The following ZSCAN25 variants were observed in gnomAD, a reference collection of about 807,000 sequenced individuals.
ZSCAN25 encodes zinc finger and SCAN domain-containing protein 25.
In ZSCAN25, 27 loss-of-function variants were observed where a neutral mutation model predicts 38.7. The ratio of observed to expected loss-of-function variants is 0.70; its 90% CI spans 0.51 to 0.96. ZSCAN25 has a LOEUF of 0.96. ZSCAN25 is among the 40% of genes least tolerant of loss of function. The pLI is 0.00. For synonymous variants in ZSCAN25, 273 were observed against 277.7 expected, an observed-to-expected ratio of 0.98 and a Z score of 0.17; for missense variants, 637 against 705.9, an observed-to-expected ratio of 0.90 and a Z score of 1.11.
chr7:99,718,126 G>A, the ZSCAN25 span, among the ~76,000 whole-genome samples: 2 of 152,078 alleles, frequency 1.3e-5, no homozygotes, highest in African/African-American at 4.8e-5. Context: ...CTGTTGTGGG[G>A]TGGGGAGAGG....
the ZSCAN25 span, among the ~76,000 whole-genome samples, chr7:99,723,050 A>G: frequency 1.3e-5 from 2 of 152,036 alleles, no homozygotes. Context: ...TCCTGTTTCT[A>G]CATTTCAGGG....
chr7:99,640,655 C>A, the ZSCAN25 span, among the ~76,000 whole-genome samples: 1 of 152,186 alleles, frequency 6.6e-6, no homozygotes, highest in African/African-American at 2.4e-5. Context: ...TTTTGAATTC[C>A]TGTCCTGCCT....
At chr7:99,652,418 A>G in the ZSCAN25 span, 2 of 628,144 alleles carry the variant, frequency 3.2e-6, no homozygotes, top group Admixed American at 3.4e-5. Context: ...TTTGATAATT[A>G]TCACTTTTTT....
the ZSCAN25 span, chr7:99,647,776 T>G: frequency 1.0e-6 from 1 of 985,316 alleles, no homozygotes; most frequent in African/African-American, 1.7e-5. Flanking sequence ...TGATAAAAAA[T>G]GTTTATTTGC....
At chr7:99,647,055 C>T in the ZSCAN25 span, among the ~76,000 whole-genome samples, 1 of 152,148 alleles carries the variant, frequency 6.6e-6, no homozygotes, top group Admixed American at 6.5e-5. Context: ...ACCTAGCTTC[C>T]AGTATACTTT....
At chr7:99,708,886 G>C in the ZSCAN25 span, 1 of 943,672 alleles carries the variant, frequency 1.1e-6, no homozygotes, top group South Asian at 1.6e-5. Context: ...TGTAAAGTGT[G>C]ACAATGATCA....
chr7:99,627,625 CCAGA>C (rs1652424324), intron 7 of ZSCAN25, among the ~76,000 whole-genome samples: 1 of 149,930 alleles, frequency 6.7e-6, no homozygotes, highest in South Asian at 2.1e-4. Context: ...GCAAAAAAGT[CCAGA>C]CAATGTGTTC....
At chr7:99,660,339 A>T in the ZSCAN25 span, 3 of 1,284,462 alleles carry the variant, frequency 2.3e-6, no homozygotes, top group Non-Finnish European at 3.0e-6. Context: ...ACCGTTCTCT[A>T]TGTTTCTCCC....
At chr7:99,636,740 T>C (rs1316741553), downstream of ZSCAN25, among the ~76,000 whole-genome samples, 1 of 152,244 alleles carries the variant, frequency 6.6e-6, no homozygotes, top group African/African-American at 2.4e-5. Flanking sequence ...AACATTTGGT[T>C]CAAAATATTA....
the ZSCAN25 span, chr7:99,665,260 G>A: frequency 6.8e-6 from 11 of 1,614,160 alleles, no homozygotes; most frequent in South Asian, 1.1e-5. Flanking sequence ...GAGAGTCGAT[G>A]TTCACTCCAA....
At position 99,629,818 on chromosome 7, in the gene ZSCAN25, G is replaced by T; in HGVS notation, c.1433G>T (p.Arg478Leu). 1 of 1,614,226 alleles carries T rather than the reference G, an allele frequency of 6.2e-7. No homozygotes were observed. The highest frequency in any genetic ancestry group is 8.5e-7 in the Non-Finnish European group (1 of 1,180,034). ...SRNANLAVHR[R>L]AHTGEKPYGC... ...AATGCCAATCTGGCGGTGCACCGGC[G>T]TGCCCACACTGGCGAGAAGCCATAT... Residue 478 changes from arginine to leucine, a missense_variant, in exon 8 of 8, where the codon CGT becomes CTT. Arg to Leu is a moderately radical substitution (Grantham distance 102). Coordinates refer to ENST00000394152, the MANE Select transcript of ZSCAN25 (RefSeq NM_145115.3). The surrounding 1 kb of genome is among the most constrained non-coding windows in gnomAD (Gnocchi z 5.6).
At chr7:99,737,049 G>T in the ZSCAN25 span, among the ~76,000 whole-genome samples, 1 of 152,188 alleles carries the variant, frequency 6.6e-6, no homozygotes, top group African/African-American at 2.4e-5. Flanking sequence ...GACACGGGTA[G>T]GTGGGTGACA....
chr7:99,642,417 A>G, the ZSCAN25 span, among the ~76,000 whole-genome samples: 1 of 152,178 alleles, frequency 6.6e-6, no homozygotes, highest in South Asian at 2.1e-4. Flanking sequence ...CTGTGGTCAT[A>G]GTGGACACCT....
At chr7:99,636,291 G>C (rs990907445), downstream of ZSCAN25, among the ~76,000 whole-genome samples, 1 of 152,092 alleles carries the variant, frequency 6.6e-6, no homozygotes, top group African/African-American at 2.4e-5. Context: ...CTTATTTCTA[G>C]AACTATTTCT....
chr7:99,677,745 C>G, the ZSCAN25 span, among the ~76,000 whole-genome samples: 1 of 152,328 alleles, frequency 6.6e-6, no homozygotes, highest in African/African-American at 2.4e-5. Context: ...GCCAGGGTGG[C>G]CTTGGGTATT....
chr7:99,690,091 C>T, the ZSCAN25 span, among the ~76,000 whole-genome samples: 1 of 152,134 alleles, frequency 6.6e-6, no homozygotes, highest in Admixed American at 6.5e-5. Flanking sequence ...GGTACTGGTA[C>T]CAAAACAGAG....
At chr7:99,687,710 T>A in the ZSCAN25 span, among the ~76,000 whole-genome samples, 140 of 152,256 alleles carry the variant, frequency 9.2e-4, no homozygotes, top group African/African-American at 3.3e-3. Flanking sequence ...ACTCCAGGAC[T>A]CATAATTGTC....
chr7:99,647,511 G>A, the ZSCAN25 span: 1 of 985,450 alleles, frequency 1.0e-6, no homozygotes, highest in Non-Finnish European at 1.2e-6. Context: ...AAGATGGAAT[G>A]CAAGACGTAT....
chr7:99,726,128 G>C, the ZSCAN25 span, among the ~76,000 whole-genome samples: 5 of 152,110 alleles, frequency 3.3e-5, no homozygotes, highest in Middle Eastern at 3.4e-3. Flanking sequence ...CCTCCTTCGT[G>C]TCTTCCTCTT....
Sources: allele counts gnomAD v4.1 joint callset (sites outside exome capture counted in the v4.1 genomes callset), GRCh38; gene constraint gnomAD v4.1.1; non-coding constraint Gnocchi (gnomAD v3.1); transcripts MANE v1.5; gene names NCBI Gene and HGNC (gene_info 2026-07-23, HGNC 2026-07-21).